The following LIN54 variants were observed in gnomAD, a reference collection of about 807,000 sequenced individuals.
LIN54 encodes the protein protein lin-54 homolog.
LIN54 carries 9 observed loss-of-function variants against 78.7 expected under a neutral mutation model. That is an observed-to-expected ratio of 0.11 (90% confidence interval 0.07 to 0.20). The LOEUF (loss-of-function observed/expected upper bound fraction) is 0.20. LIN54 is among the 10% of genes least tolerant of loss of function. The pLI is 1.00. For missense variants in LIN54, 573 were observed against 889.9 expected, an observed-to-expected ratio of 0.64 and a Z score of 4.53; for synonymous variants, 269 against 318.4, an observed-to-expected ratio of 0.84 and a Z score of 1.65.
intron 4 of LIN54, among the ~76,000 whole-genome samples, chr4:82,957,339 G>A (rs1384105511): frequency 6.6e-6 from 1 of 152,170 alleles, no homozygotes; most frequent in East Asian, 1.9e-4. Context: ...CATAAAGCTT[G>A]AATCCACCAC....
intron 5 of LIN54, among the ~76,000 whole-genome samples, chr4:82,940,381 T>C (rs1327328836): frequency 1.3e-5 from 2 of 152,172 alleles, no homozygotes; most frequent in Admixed American, 1.3e-4. Context: ...AGAGAATATA[T>C]CATTCTTGGG....
chr4:82,989,507 T>C (rs1211011741), intron 1 of LIN54, among the ~76,000 whole-genome samples: 1 of 152,210 alleles, frequency 6.6e-6, no homozygotes, highest in Non-Finnish European at 1.5e-5. Flanking sequence ...GAGTTGAATC[T>C]GGATACTACC....
chr4:83,010,174 C>T (rs1560806960), intron 1 of LIN54, among the ~76,000 whole-genome samples: 2 of 152,102 alleles, frequency 1.3e-5, no homozygotes, highest in Admixed American at 6.6e-5. Flanking sequence ...AAACGTACAA[C>T]CCCAAGAACT....
At chr4:82,963,518 T>C (rs541659251) in intron 4 of LIN54, among the ~76,000 whole-genome samples, 1 of 152,246 alleles carries the variant, frequency 6.6e-6, no homozygotes, top group South Asian at 2.1e-4. Context: ...GGTTATGGAA[T>C]TTATAACATG....
Position 82,928,019 on chromosome 4 carries a change from A to G in LIN54, c.*83T>C. On this transcript the variant is annotated 3_prime_UTR_variant, in exon 13 of 13. Transcript: ENST00000340417. ...AACAAGGACTGAATTAAAATACAGT[A>G]ATTGTTTTTCTTCCAGAAAATCAAG... 8.9e-7 allele frequency: 1 copy of G among 1,119,940 alleles called. No individual in the cohort carries two copies. Among genetic ancestry groups the G allele is most frequent in the Middle Eastern group, 2.7e-4 (1 of 3,758 alleles). 69.4% of individuals were successfully genotyped at this position (1,119,940 alleles called of 1,614,324 possible). A position where few individuals can be genotyped will look rare whatever the true frequency, so the allele number is the denominator to read the frequency against.
chr4:82,966,457 A>G (rs1725209187), intron 4 of LIN54, among the ~76,000 whole-genome samples: 1 of 151,226 alleles, frequency 6.6e-6, no homozygotes, highest in African/African-American at 2.4e-5. Context: ...CTCCTATTAA[A>G]AAAAAAAAAA....
chr4:82,978,469 T>C (rs1726350386), intron 3 of LIN54, among the ~76,000 whole-genome samples: 1 of 152,208 alleles, frequency 6.6e-6, no homozygotes, highest in South Asian at 2.1e-4. Flanking sequence ...TGGGTTCAAA[T>C]TCCAGCTCAG....
chr4:82,994,971 T>A (rs1728068923), intron 1 of LIN54, among the ~76,000 whole-genome samples: 1 of 152,012 alleles, frequency 6.6e-6, no homozygotes, highest in African/African-American at 2.4e-5. Flanking sequence ...CCCTTTGAAC[T>A]AGGAGCAAAG....
chr4:82,952,686 A>G (rs1723937445), intron 4 of LIN54, among the ~76,000 whole-genome samples: 1 of 152,226 alleles, frequency 6.6e-6, no homozygotes, highest in Non-Finnish European at 1.5e-5. Flanking sequence ...ACTATTCACA[A>G]TAGCCAAAAG....
upstream of LIN54, among the ~76,000 whole-genome samples, chr4:83,011,274 T>A (rs896897297): frequency 6.6e-5 from 10 of 152,208 alleles, no homozygotes; most frequent in Non-Finnish European, 1.5e-4. Flanking sequence ...GCTATTTCCA[T>A]ATGCATGTTC....
intron 4 of LIN54, among the ~76,000 whole-genome samples, chr4:82,961,709 C>CT (rs1453042076): frequency 6.6e-6 from 1 of 152,168 alleles, no homozygotes; most frequent in African/African-American, 2.4e-5. Flanking sequence ...AATCCCAGCA[C>CT]TGACAGGCTG....
chr4:82,934,450 T>C (rs1722225658), intron 11 of LIN54, among the ~76,000 whole-genome samples: 1 of 152,164 alleles, frequency 6.6e-6, no homozygotes, highest in African/African-American at 2.4e-5. Flanking sequence ...ACTTGTCTCT[T>C]TATGCAATTT....
At chr4:82,958,252 T>G (rs893686568) in intron 4 of LIN54, among the ~76,000 whole-genome samples, 1 of 152,236 alleles carries the variant, frequency 6.6e-6, no homozygotes, top group Non-Finnish European at 1.5e-5. Context: ...TATATACAGA[T>G]GATTATTCTA....
intron 3 of LIN54, among the ~76,000 whole-genome samples, chr4:82,972,437 C>T (rs549844346): frequency 6.6e-6 from 1 of 152,152 alleles, no homozygotes; most frequent in South Asian, 2.1e-4. Context: ...TACATAAAGT[C>T]AATTCTAAAT....
chr4:82,957,120 A>G (rs1231131376), intron 4 of LIN54, among the ~76,000 whole-genome samples: 1 of 152,226 alleles, frequency 6.6e-6, no homozygotes, highest in Non-Finnish European at 1.5e-5. Context: ...CATTACCACC[A>G]CAATTCAATT....
rs532742081 is a variant in LIN54, at chr4:83,004,680, G to T, written c.-33+5804C>A. 6.6e-4 allele frequency among the ~76,000 whole-genome samples: 97 copies of T among 146,822 alleles called. 1 individual carries two copies. Among genetic ancestry groups the T allele is most frequent in the Admixed American group, 6.5e-3 (97 of 15,014 alleles). ...CTGGCCAATTTTCTTTGTATTTGTT[G>T]TAGAGACAAGGTCTTGCTACGTTGC... On this transcript the variant is annotated intron_variant, in intron 1 of 12. Transcript: ENST00000340417.
At chr4:82,973,230 G>A (rs935399318) in intron 3 of LIN54, among the ~76,000 whole-genome samples, 16 of 152,060 alleles carry the variant, frequency 1.1e-4, no homozygotes, top group African/African-American at 1.9e-4. Flanking sequence ...AAATTTGGAC[G>A]ACAGCAAAAT....
intron 1 of LIN54, among the ~76,000 whole-genome samples, chr4:83,008,712 C>G (rs1729613862): frequency 6.6e-6 from 1 of 152,146 alleles, no homozygotes; most frequent in South Asian, 2.1e-4. Context: ...CTATAATACT[C>G]TTCCCCCAAA....
chr4:82,972,388 A>T (rs1446736525), intron 3 of LIN54, among the ~76,000 whole-genome samples: 3 of 152,150 alleles, frequency 2.0e-5, no homozygotes, highest in Non-Finnish European at 4.4e-5. Context: ...TTTTAATGAC[A>T]TTCTGCCAGG....
Sources: allele counts gnomAD v4.1 joint callset (sites outside exome capture counted in the v4.1 genomes callset), GRCh38; gene constraint gnomAD v4.1.1; transcripts MANE v1.5; gene names NCBI Gene and HGNC (gene_info 2026-07-23, HGNC 2026-07-21).